CA12: variants seen among roughly 807,000 people sequenced by gnomAD.
CA12 encodes the protein carbonate dehydratase XII.
In CA12, 36 loss-of-function variants were observed where a neutral mutation model predicts 46.8. That is an observed-to-expected ratio of 0.77 (90% CI 0.59 to 1.02). The LOEUF is 1.02. Ranked by LOEUF, CA12 falls within the 50% of genes least tolerant of loss-of-function variation. The probability of loss-of-function intolerance (pLI) is 0.00; values close to 1 mark genes in which losing one functional copy is unlikely to be tolerated. For synonymous variants in CA12, 202 were observed against 187.0 expected (o/e 1.08, Z -0.65); for missense variants, 436 against 451.4 (o/e 0.97, Z 0.31).
At position 63,340,884 on chromosome 15, in the gene CA12, A is replaced by T. The variant is rs1172521869; in HGVS notation, c.526-101T>A. On this transcript the variant is annotated intron_variant, in intron 5 of 10. Coordinates refer to ENST00000178638, the MANE Select transcript of CA12 (RefSeq NM_001218.5). The surrounding 1 kb of genome is among the most constrained non-coding windows in gnomAD (Gnocchi z 4.4). ...AGGGCAAAGCTGTGGGTATGTTGCC[A>T]CCACTGCCTGAAGGATCCACTTTAC... The T allele has an allele frequency of 1.1e-6, 1 of 950,318 alleles. No individual in the cohort carries two copies. Among genetic ancestry groups the T allele is most frequent in the African/African-American group, 1.6e-5 (1 of 62,240 alleles). 58.9% of individuals were successfully genotyped at this position (950,318 alleles called of 1,614,324 possible).
intron 1 of CA12, among the ~76,000 whole-genome samples, chr15:63,376,600 TTC>T (rs1555432621): frequency 1.5e-5 from 2 of 134,094 alleles, no homozygotes; most frequent in African/African-American, 5.5e-5. Flanking sequence ...CTTTCTTTCT[TTC>T]TCTCTCTCTC....
chr15:63,323,077 A>G lies in CA12; in HGVS notation c.*3208T>C, dbSNP rs1050591041. On this transcript the variant is annotated 3_prime_UTR_variant, in exon 11 of 11. Transcript: ENST00000178638. This position sits in a 1 kb window ranked among gnomAD's most constrained non-coding sequence, Gnocchi z 5.1. ...ACGGGTGATAGTATGTTTTGCAAAA[A>G]GAATTCAAAATAAGGTAACAGGCAA... The G allele has an allele frequency of 1.3e-4, 20 of 152,228 alleles. No homozygotes were observed. The highest frequency in any genetic ancestry group is 4.8e-4 in the African/African-American group (20 of 41,470). The allele number at this position is 152,228 out of a possible 1,614,324, so 9.4% of individuals were successfully genotyped here.
At chr15:63,380,832 T>C (rs1233560359) in intron 1 of CA12, among the ~76,000 whole-genome samples, 2 of 152,190 alleles carry the variant, frequency 1.3e-5, no homozygotes, top group Admixed American at 1.3e-4. Flanking sequence ...AATCACTTTC[T>C]TATTCCAAAA....
chr15:63,346,419 CTCCTCCTGGATGCTTCCACGGAACA>C, intron 3 of CA12, 86 bp downstream of exon 3: 5 of 789,180 alleles, frequency 6.3e-6, no homozygotes, highest in Admixed American at 2.0e-5. Flanking sequence ...CGCCCCACCC[CTCCTCCTGGATGCTTCCACGGAACA>C]CCTCCCTGCC....
intron 2 of CA12, among the ~76,000 whole-genome samples, chr15:63,362,020 GCTAA>G (rs1015074787): frequency 2.0e-5 from 3 of 152,172 alleles, no homozygotes; most frequent in Non-Finnish European, 2.9e-5. Context: ...TCAGGGGTTG[GCTAA>G]CTTTTTCTGC....
rs2152618449 is a variant in CA12 at position 63,346,650 on chromosome 15, A to C, written c.166T>G (p.Ser56Ala). 1 of 1,612,488 alleles carries C rather than the reference A, an allele frequency of 6.2e-7. No homozygotes were observed. The highest frequency in any genetic ancestry group is 8.5e-7 in the Non-Finnish European group (1 of 1,179,166). The change falls in exon 3 of 11, where the codon TCC becomes GCC. Residue 56 changes from serine (S) to alanine (A), a missense_variant. Coordinates refer to ENST00000178638, the MANE Select transcript of CA12 (RefSeq NM_001218.5). The part of the protein sequence containing the change: ...KYPSCGGLLQ[S>A]PIDLHSDILQ... ...ATGTCACTGTGCAGGTCTATGGGGG[A>C]CTGCAGCAGGCCCCCACACGACGGG... is the stretch of plus-strand genomic sequence containing the variant.
At chr15:63,359,331 A>G (rs1163938843) in intron 2 of CA12, among the ~76,000 whole-genome samples, 3 of 151,658 alleles carry the variant, frequency 2.0e-5, no homozygotes, top group Non-Finnish European at 4.4e-5. Flanking sequence ...CCTCTATGTC[A>G]GCTGGTAATA....
At chr15:63,369,770 C>T (rs1033053213) in intron 2 of CA12, among the ~76,000 whole-genome samples, 1 of 152,166 alleles carries the variant, frequency 6.6e-6, no homozygotes, top group Non-Finnish European at 1.5e-5. Flanking sequence ...CCATGGAGGT[C>T]GCCTGGTTCT....
intron 8 of CA12, among the ~76,000 whole-genome samples, chr15:63,334,973 C>T (rs1410694823): frequency 6.6e-6 from 1 of 152,170 alleles, no homozygotes; most frequent in Non-Finnish European, 1.5e-5. Context: ...CAATGAAGAC[C>T]AGGGCATGTG....
chr15:63,366,182 G>A lies in CA12; in HGVS notation c.106+9476C>T, dbSNP rs137861234. On this transcript the variant is annotated intron_variant, in intron 2 of 10. Transcript: ENST00000178638. ...AAAGCATGTCCTGCAGTTCCCTGCT[G>A]TGTCTAGAACGAGGTCCTGGCTCTT... Among the ~76,000 whole-genome samples the A allele has an allele frequency of 7.1e-3, 1,060 of 148,502 alleles. 60 individuals carry two copies. The highest frequency in any genetic ancestry group is 0.062 in the Admixed American group (924 of 14,978).
intron 3 of CA12, among the ~76,000 whole-genome samples, chr15:63,346,072 A>G (rs1279653563): frequency 6.6e-6 from 1 of 152,224 alleles, no homozygotes; most frequent in African/African-American, 2.4e-5. Context: ...GTATCCATCA[A>G]TATGTCCATT....
At chr15:63,346,427 G>T in intron 3 of CA12, 103 bp downstream of exon 3, 2 of 716,386 alleles carry the variant, frequency 2.8e-6, no homozygotes, top group Non-Finnish European at 4.7e-6. Context: ...CCCTCCTCCT[G>T]GATGCTTCCA....
In CA12 at chr15:63,381,572, G is replaced by A. The variant is rs1334243978; in HGVS notation, c.85+64C>T. ...AATGATTTTACTTTATCATTGAAGA[G>A]CCTTCAGCCCAGGGGCGGCTGAGCG... On this transcript the variant is annotated intron_variant, in intron 1 of 10. Transcript: ENST00000178638. 8 of 1,315,106 alleles carry A rather than the reference G, an allele frequency of 6.1e-6. No homozygotes were observed. In the East Asian group the frequency reaches 2.0e-4, roughly 32 times the overall value. 81.5% of individuals were successfully genotyped at this position (1,315,106 alleles called of 1,614,324 possible).
rs1453748902 is a variant in CA12 at position 63,345,199 on chromosome 15, T to C, written c.429+278A>G. On this transcript the variant is annotated intron_variant, in intron 4 of 10. Transcript: ENST00000178638. This position sits in a 1 kb window ranked among gnomAD's most constrained non-coding sequence, Gnocchi z 4.3. ...TAAAAGAAGGGCATGTATGTCCCACTGGGCCACCCTGGGAATACTGCCTCC... is the reference window on the plus strand; with the variant it reads ...TAAAAGAAGGGCATGTATGTCCCACCGGGCCACCCTGGGAATACTGCCTCC... 6.6e-6 allele frequency among the ~76,000 whole-genome samples: 1 copy of C among 152,240 alleles called. No individual in the cohort carries two copies. Among genetic ancestry groups the C allele is most frequent in the African/African-American group, 2.4e-5 (1 of 41,470 alleles).
At chr15:63,366,137 T>A (rs1467998223) in intron 2 of CA12, among the ~76,000 whole-genome samples, 8 of 22,558 alleles carry the variant, frequency 3.5e-4, no homozygotes, top group Non-Finnish European at 5.0e-4. Flanking sequence ...CGAGACTATC[T>A]CAAAAAAAAA....
intron 2 of CA12, among the ~76,000 whole-genome samples, chr15:63,352,543 C>T (rs1186538610): frequency 3.9e-5 from 6 of 152,184 alleles, no homozygotes; most frequent in Non-Finnish European, 8.8e-5. Context: ...TCTTGGAGGT[C>T]ATACTCTGAG....
At position 63,340,014 on chromosome 15, in the gene CA12, C is replaced by T. The variant is rs1595778967; in HGVS notation, c.747+274G>A. On this transcript the variant is annotated intron_variant, in intron 7 of 10. Coordinates refer to ENST00000178638, the MANE Select transcript of CA12 (RefSeq NM_001218.5). The surrounding 1 kb of genome is among the most constrained non-coding windows in gnomAD (Gnocchi z 4.4). Reference sequence around the variant, plus strand: ...TCTCTCCTGCCTGGGAAGTGAATACCACCCAGCCACTGAGGATATATTAGC... The same window carrying T: ...TCTCTCCTGCCTGGGAAGTGAATACTACCCAGCCACTGAGGATATATTAGC... 2 of 456,628 alleles carry T rather than the reference C, an allele frequency of 4.4e-6. No individual in the cohort carries two copies. Among genetic ancestry groups the T allele is most frequent in the Non-Finnish European group, 4.0e-6 (1 of 247,904 alleles). The allele number at this position is 456,628 out of a possible 1,614,324, so 28.3% of individuals were successfully genotyped here. A position where few individuals can be genotyped will look rare whatever the true frequency, so the allele number is the denominator to read the frequency against.
chr15:63,326,384 T>C (rs749968587), intron 10 of CA12, 27 bp from the exon 11 acceptor site: 34 of 1,589,590 alleles, frequency 2.1e-5, no homozygotes, highest in Non-Finnish European at 2.9e-5. Flanking sequence ...ACATAACTCT[T>C]GTTAGAGAGG....
chr15:63,366,192 C>T (rs1461582166), intron 2 of CA12, among the ~76,000 whole-genome samples: 1 of 148,188 alleles, frequency 6.7e-6, no homozygotes, highest in Non-Finnish European at 1.5e-5. Context: ...GTGTCTAGAA[C>T]GAGGTCCTGG....
Sources: gnomAD v4.1 joint callset for allele counts (sites outside exome capture counted in the v4.1 genomes callset) on GRCh38, gnomAD v4.1.1 for gene constraint, Gnocchi (gnomAD v3.1) non-coding constraint, MANE v1.5 for transcripts, NCBI Gene and HGNC (gene_info 2026-07-23, HGNC 2026-07-21) for gene names.